Variants in ANTXR1 observed in about 807,000 individuals in gnomAD.
ANTXR1 encodes the protein anthrax toxin receptor 1.
ANTXR1 carries 19 observed loss-of-function variants against 78.1 expected under a neutral mutation model. The observed-to-expected ratio is 0.24, with a 90% CI of 0.17 to 0.36. The LOEUF is 0.36. Among genes scored for constraint, ANTXR1 ranks in the 10% least tolerant of loss-of-function variants. The pLI, the probability that ANTXR1 is intolerant of heterozygous loss-of-function variation, is 1.00. For synonymous variants in ANTXR1, 273 were observed against 260.5 expected (o/e 1.05, Z -0.46); for missense variants, 518 against 718.6 (o/e 0.72, Z 3.19).
chr2:69,039,999 C>A (rs372547889), intron 1 of ANTXR1, 45 bp from the exon 2 acceptor site: 1 of 1,516,116 alleles, frequency 6.6e-7, no homozygotes, highest in Non-Finnish European at 9.2e-7. Flanking sequence ...AAGGTAAAGA[C>A]AAGTAAACAC....
intron 12 of ANTXR1, among the ~76,000 whole-genome samples, chr2:69,141,678 A>G (rs1311432479): frequency 6.6e-6 from 1 of 152,254 alleles, no homozygotes; most frequent in Non-Finnish European, 1.5e-5. Context: ...GATTAACTGT[A>G]TTGAAAAAAT....
chr2:69,112,762 C>T (rs1315436997), intron 10 of ANTXR1, among the ~76,000 whole-genome samples: 2 of 152,160 alleles, frequency 1.3e-5, no homozygotes, highest in Non-Finnish European at 2.9e-5. Flanking sequence ...TGGTGTTTCC[C>T]CTTTGGCCCT....
chr2:69,235,346 TATG>T (rs1401669892), intron 17 of ANTXR1, among the ~76,000 whole-genome samples: 1 of 151,804 alleles, frequency 6.6e-6, no homozygotes, highest in African/African-American at 2.4e-5. Context: ...TTCTAAGGGA[TATG>T]AAAAAATAGA....
chr2:69,144,955 G>A (rs1022960476), intron 12 of ANTXR1, among the ~76,000 whole-genome samples: 1 of 152,196 alleles, frequency 6.6e-6, no homozygotes, highest in African/African-American at 2.4e-5. Flanking sequence ...AGAGATATTG[G>A]GGTCACTGTC....
At chr2:69,089,355 G>A (rs1053303080) in intron 8 of ANTXR1, among the ~76,000 whole-genome samples, 4 of 152,152 alleles carry the variant, frequency 2.6e-5, no homozygotes, top group African/African-American at 9.7e-5. Context: ...CTATAAGGAT[G>A]CCCAGATTTC....
chr2:69,030,981 T>G (rs565677881), intron 1 of ANTXR1, among the ~76,000 whole-genome samples: 1 of 152,346 alleles, frequency 6.6e-6, no homozygotes, highest in South Asian at 2.1e-4. Flanking sequence ...CCTGTTTTTG[T>G]AAATAAAATT....
At chr2:69,215,203 A>C (rs1407939242) in intron 17 of ANTXR1, among the ~76,000 whole-genome samples, 1 of 152,056 alleles carries the variant, frequency 6.6e-6, no homozygotes, top group Non-Finnish European at 1.5e-5. Context: ...GCCTCACTGC[A>C]CTGGAGGGGA....
At chr2:69,034,356 A>C (rs1404785306) in intron 1 of ANTXR1, among the ~76,000 whole-genome samples, 1 of 152,154 alleles carries the variant, frequency 6.6e-6, no homozygotes, top group Non-Finnish European at 1.5e-5. Context: ...AGAGTATTGA[A>C]AGAATCTTCA....
chr2:69,073,589 C>T (rs1482340963), intron 6 of ANTXR1, among the ~76,000 whole-genome samples: 1 of 152,192 alleles, frequency 6.6e-6, no homozygotes, highest in African/African-American at 2.4e-5. Context: ...AAATTGTCAT[C>T]TCTCTTTTAA....
At chr2:69,180,129 G>T (rs978158900) in intron 14 of ANTXR1, among the ~76,000 whole-genome samples, 9 of 152,234 alleles carry the variant, frequency 5.9e-5, no homozygotes, top group Admixed American at 1.3e-4. Flanking sequence ...GAGTCTTAAT[G>T]TGCCAACATG....
At position 69,013,458 on chromosome 2, in the gene ANTXR1, G is replaced by A. The variant is rs76179551; in HGVS notation, c.-42G>A. Reference sequence around the variant, plus strand: ...CTGAGGGTCGTGGCGAGTTCGCGGAGCGTGGGAAGGAGCGGACCCTGCTCT... The same window carrying A: ...CTGAGGGTCGTGGCGAGTTCGCGGAACGTGGGAAGGAGCGGACCCTGCTCT... On this transcript the variant is annotated 5_prime_UTR_variant, in exon 1 of 18. Coordinates refer to ENST00000303714, the MANE Select transcript of ANTXR1 (RefSeq NM_032208.3). The surrounding 1 kb of genome is among the most constrained non-coding windows in gnomAD (Gnocchi z 5.0). 5.2e-3 allele frequency: 8,165 copies of A among 1,578,876 alleles called. 381 individuals are homozygous for A. The African/African-American group carries it at 0.097, about 19-fold the overall frequency.
chr2:69,238,271 G>T (rs765192707), intron 17 of ANTXR1, among the ~76,000 whole-genome samples: 12 of 152,154 alleles, frequency 7.9e-5, no homozygotes, highest in South Asian at 2.1e-4. Context: ...TCACAAATGT[G>T]GTTGCTGGGG....
At chr2:69,125,755 G>A (rs1379964472) in intron 12 of ANTXR1, among the ~76,000 whole-genome samples, 1 of 152,066 alleles carries the variant, frequency 6.6e-6, no homozygotes, top group African/African-American at 2.4e-5. Context: ...ATGGGAGGAT[G>A]GCTTGAGCCC....
At chr2:69,088,062 A>G (rs1671111325) in intron 8 of ANTXR1, among the ~76,000 whole-genome samples, 1 of 152,186 alleles carries the variant, frequency 6.6e-6, no homozygotes, top group African/African-American at 2.4e-5. Flanking sequence ...TTTTTACTGG[A>G]TTGAATCACA....
At chr2:69,044,405 C>A (rs1021734171) in intron 2 of ANTXR1, among the ~76,000 whole-genome samples, 11 of 152,274 alleles carry the variant, frequency 7.2e-5, no homozygotes, top group Admixed American at 5.9e-4. Flanking sequence ...CTTTTATAGA[C>A]ACCATACAGA....
intron 17 of ANTXR1, among the ~76,000 whole-genome samples, chr2:69,195,059 T>A (rs1674636680): frequency 1.3e-5 from 2 of 151,498 alleles, no homozygotes; most frequent in Non-Finnish European, 2.9e-5. Flanking sequence ...TCCCAGCTAC[T>A]TGGGAGGTTG....
intron 13 of ANTXR1, among the ~76,000 whole-genome samples, chr2:69,162,154 T>C (rs1223154567): frequency 6.6e-6 from 1 of 152,158 alleles, no homozygotes. Flanking sequence ...AAATAGGAGA[T>C]GTTTCCAGGG....
Position 69,013,368 on chromosome 2 carries a change from G to A in ANTXR1, c.-132G>A. The A allele has an allele frequency of 8.0e-7, 1 of 1,243,252 alleles. No homozygotes were observed. Among genetic ancestry groups the A allele is most frequent in the Non-Finnish European group, 1.1e-6 (1 of 878,502 alleles). 77.0% of individuals were successfully genotyped at this position (1,243,252 alleles called of 1,614,324 possible). Reference sequence around the variant, plus strand: ...GAACTCCTCCAGACAATTGCTTCCGGGGAGTTGCGAGGGAGCGAGGGGGAA... The same window carrying A: ...GAACTCCTCCAGACAATTGCTTCCGAGGAGTTGCGAGGGAGCGAGGGGGAA... On this transcript the variant is annotated 5_prime_UTR_variant, in exon 1 of 18. Coordinates refer to ENST00000303714, the MANE Select transcript of ANTXR1 (RefSeq NM_032208.3). The surrounding 1 kb of genome is among the most constrained non-coding windows in gnomAD (Gnocchi z 5.0).
At chr2:69,163,313 T>TAAA (rs74748062) in intron 13 of ANTXR1, among the ~76,000 whole-genome samples, 3,745 of 149,476 alleles carry the variant, frequency 0.025, 60 homozygotes, top group Middle Eastern at 0.055. Flanking sequence ...TCTTTTCATG[T>TAAA]AAAAAAAAAA....
Sources: allele counts gnomAD v4.1 joint callset (sites outside exome capture counted in the v4.1 genomes callset), GRCh38; gene constraint gnomAD v4.1.1; non-coding constraint Gnocchi (gnomAD v3.1); transcripts MANE v1.5; gene names NCBI Gene and HGNC (gene_info 2026-07-23, HGNC 2026-07-21).